The following PALM variants were observed in gnomAD, a reference collection of about 807,000 sequenced individuals.
PALM encodes paralemmin, also known as paralemmin-1.
A neutral mutation model predicts 30.7 loss-of-function variants in PALM; 18 were observed. That is an observed-to-expected ratio of 0.59 (90% confidence interval 0.41 to 0.87). PALM has a LOEUF of 0.87. Ranked by LOEUF, PALM falls within the 40% of genes least tolerant of loss-of-function variation. PALM has a pLI of 0.00. For synonymous variants in PALM, 286 were observed against 242.8 expected (o/e 1.18, Z -1.66); for missense variants, 529 against 555.4 (o/e 0.95, Z 0.48).
rs183702557 is a variant in PALM at position 729,369 on chromosome 19, G to C, written c.269+1675G>C. Reference sequence around the variant, plus strand: ...AGGGTGGGGCAGTTCTGGTGGGTTTGGGGCCTTGGAATGAGCCGAGTGTTA... The same window carrying C: ...AGGGTGGGGCAGTTCTGGTGGGTTTCGGGCCTTGGAATGAGCCGAGTGTTA... On this transcript the variant is annotated intron_variant, in intron 4 of 8. Transcript: ENST00000338448. 6.6e-4 allele frequency among the ~76,000 whole-genome samples: 100 copies of C among 151,830 alleles called. 1 individual carries two copies. Among genetic ancestry groups the C allele is most frequent in the Admixed American group, 1.1e-3 (17 of 15,244 alleles).
Position 728,731 on chromosome 19 carries a change from C to T in PALM, c.269+1037C>T, listed in dbSNP as rs145964092. Among the ~76,000 whole-genome samples the T allele has an allele frequency of 1.6e-3, 248 of 152,162 alleles. 2 individuals carry two copies. In the East Asian group the frequency reaches 0.032, roughly 19 times the overall value. ...GGCTGAGGCAGAAGAAGGCCAGGCG[C>T]GGTGGCTCAAGCCTGTAATCCTGGC... On this transcript the variant is annotated intron_variant, in intron 4 of 8. Coordinates refer to ENST00000338448, the MANE Select transcript of PALM (RefSeq NM_002579.3).
chr19:719,161 C>T lies in PALM; in HGVS notation c.6-6977C>T, dbSNP rs1005215466. The stretch of plus-strand genomic sequence containing the variant: ...CTCGTTCTGGCTGGAGCTGCCCGGG[C>T]GTGGGTTCTGGAAGGACGAGTGCGA... On this transcript the variant is annotated intron_variant, in intron 1 of 8. Transcript: ENST00000338448. 4 of 985,216 alleles carry T rather than the reference C, an allele frequency of 4.1e-6. No homozygotes were observed. In the South Asian group the frequency reaches 1.4e-4, roughly 35 times the overall value. 61.0% of individuals were successfully genotyped at this position (985,216 alleles called of 1,614,324 possible). A position where few individuals can be genotyped will look rare whatever the true frequency, so the allele number is the denominator to read the frequency against.
chr19:727,517 T>C (rs903781955), intron 3 of PALM, 47 bp from the exon 4 acceptor site: 29 of 1,482,234 alleles, frequency 2.0e-5, no homozygotes, highest in Non-Finnish European at 2.7e-5. Flanking sequence ...GTCTTAACCC[T>C]GGCCCTGGTC....
At chr19:717,989 C>G (rs957081967) in intron 1 of PALM, among the ~76,000 whole-genome samples, 2 of 152,148 alleles carry the variant, frequency 1.3e-5, no homozygotes, top group African/African-American at 4.8e-5. Flanking sequence ...CGAGACCAGC[C>G]TGGCCAACAT....
chr19:721,442 T>C (rs746182881), intron 1 of PALM, among the ~76,000 whole-genome samples: 3 of 151,226 alleles, frequency 2.0e-5, no homozygotes, highest in African/African-American at 2.4e-5. Flanking sequence ...ATTTTTGTAT[T>C]TTTAGTAGAG....
chr19:730,215 T>C (rs2032827930), intron 4 of PALM, among the ~76,000 whole-genome samples: 1 of 152,104 alleles, frequency 6.6e-6, no homozygotes, highest in Non-Finnish European at 1.5e-5. Flanking sequence ...GGCTGTGGGC[T>C]GGACCCCTCT....
In PALM at chr19:727,591, C is replaced by G; in HGVS notation, c.166C>G (p.Leu56Val). 1 of 1,588,550 alleles carries G rather than the reference C, an allele frequency of 6.3e-7. No individual in the cohort carries two copies. Among genetic ancestry groups the G allele is most frequent in the African/African-American group, 1.3e-5 (1 of 74,710 alleles). ...CAAGGCACTGCGGGAGCGCTGGCTG[C>G]TGGAGGGGACGCCGTCCTCGGCCTC... Reference protein sequence around the residue: ...KSKALRERWLLEGTPSSASEG... With the variant: ...KSKALRERWLVEGTPSSASEG... Residue 56 changes from leucine to valine, a missense_variant, in exon 4 of 9, where the codon CTG becomes GTG. Physicochemically the swap from Leu to Val is conservative, Grantham distance 32. Transcript: ENST00000338448.
At chr19:712,573 C>A (rs1333961622) in intron 1 of PALM, among the ~76,000 whole-genome samples, 5 of 150,182 alleles carry the variant, frequency 3.3e-5, no homozygotes, top group Non-Finnish European at 5.9e-5. Context: ...TTGGTAGAGA[C>A]AGGGTTTCAC....
rs529133685 is a variant in PALM, at chr19:748,110, G to T, written c.*1296G>T. The stretch of plus-strand genomic sequence containing the variant: ...GATGGGAGCCTGGGTCCCTGCCTCC[G>T]CTCTGCCCCTGGGTGGCTGGGAGGA... On this transcript the variant is annotated 3_prime_UTR_variant, in exon 9 of 9. Coordinates refer to ENST00000338448, the MANE Select transcript of PALM (RefSeq NM_002579.3). 6.6e-6 allele frequency: 1 copy of T among 152,358 alleles called. No individual in the cohort carries two copies. The highest frequency in any genetic ancestry group is 1.9e-4 in the East Asian group (1 of 5,164). The allele number at this position is 152,358 out of a possible 1,614,324, so 9.4% of individuals were successfully genotyped here. A position where few individuals can be genotyped will look rare whatever the true frequency, so the allele number is the denominator to read the frequency against.
intron 1 of PALM, chr19:711,280 C>T: frequency 4.9e-6 from 3 of 609,730 alleles, no homozygotes; most frequent in Non-Finnish European, 6.2e-6. Flanking sequence ...TTTGTGTGGC[C>T]CCTGCGTGAC....
At chr19:724,015 G>A (rs934661758) in intron 1 of PALM, among the ~76,000 whole-genome samples, 1 of 151,500 alleles carries the variant, frequency 6.6e-6, no homozygotes, top group Admixed American at 6.6e-5. Flanking sequence ...GAGGGGAAGC[G>A]AGAAAGCAGT....
chr19:736,286 G>A (rs372697011), intron 7 of PALM: 10 of 521,916 alleles, frequency 1.9e-5, no homozygotes, highest in Non-Finnish European at 2.7e-5. Context: ...CTGGTCCCAC[G>A]CCGGCCCACG....
intron 1 of PALM, chr19:719,073 C>T (rs2032365622): frequency 2.0e-6 from 2 of 983,628 alleles, no homozygotes; most frequent in African/African-American, 1.7e-5. Context: ...CAGCTCTTTC[C>T]TTTCAATTAG....
chr19:734,149 A>C, intron 5 of PALM, 24 bp from the exon 6 acceptor site: 1 of 1,613,428 alleles, frequency 6.2e-7, no homozygotes, highest in African/African-American at 1.3e-5. Flanking sequence ...GACGCCCCTG[A>C]CCCTTCTCTC....
Position 746,415 on chromosome 19 carries a change from G to C in PALM, c.765G>C (p.Glu255Asp). ...CAGGGTCCACGGCCGGGGCGGCAGA[G>C]ACCCGGGGGGCTGTGGAGGGGGCAG... ...SEAGSTAGAA[E>D]TRGAVEGAAR... is the part of the protein sequence containing the mutation. Residue 255 changes from glutamate (E) to aspartate (D), a missense_variant, in exon 9 of 9, where the codon GAG becomes GAC. Coordinates refer to ENST00000338448, the MANE Select transcript of PALM (RefSeq NM_002579.3). The surrounding 1 kb of genome is among the most constrained non-coding windows in gnomAD (Gnocchi z 7.1). 1 of 1,611,708 alleles carries C rather than the reference G, an allele frequency of 6.2e-7. No homozygotes were observed. Among genetic ancestry groups the C allele is most frequent in the Non-Finnish European group, 8.5e-7 (1 of 1,179,212 alleles).
chr19:738,489 G>A (rs1173313333), intron 7 of PALM, among the ~76,000 whole-genome samples: 1 of 151,918 alleles, frequency 6.6e-6, no homozygotes, highest in Non-Finnish European at 1.5e-5. Flanking sequence ...TCACGCCACT[G>A]CACTCCAGCC....
intron 1 of PALM, among the ~76,000 whole-genome samples, chr19:720,818 C>T (rs1179125572): frequency 6.6e-6 from 1 of 152,188 alleles, no homozygotes; most frequent in East Asian, 1.9e-4. Flanking sequence ...ACTCTGTCCC[C>T]GGGTCCGGTC....
chr19:737,321 C>A (rs1261291422), intron 7 of PALM, among the ~76,000 whole-genome samples: 4 of 152,238 alleles, frequency 2.6e-5, no homozygotes, highest in African/African-American at 9.6e-5. Flanking sequence ...CAGTGCACAA[C>A]CTGCTCAACA....
chr19:720,784 C>G (rs1442329782), intron 1 of PALM, among the ~76,000 whole-genome samples: 1 of 152,168 alleles, frequency 6.6e-6, no homozygotes, highest in Non-Finnish European at 1.5e-5. Context: ...TTGTCTCCAG[C>G]CTGGGAGGCG....
Sources: allele counts gnomAD v4.1 joint callset (sites outside exome capture counted in the v4.1 genomes callset), GRCh38; gene constraint gnomAD v4.1.1; non-coding constraint Gnocchi (gnomAD v3.1); transcripts MANE v1.5; gene names NCBI Gene and HGNC (gene_info 2026-07-23, HGNC 2026-07-21).